The following MAP3K15 variants were observed in gnomAD, a reference collection of about 807,000 sequenced individuals.
MAP3K15 encodes MAPK/ERK kinase kinase 15.
MAP3K15 carries 124 observed loss-of-function variants against 99.5 expected under a neutral mutation model. The ratio of observed to expected loss-of-function variants is 1.25; its 90% CI spans 1.08 to 1.45. The LOEUF (loss-of-function observed/expected upper bound fraction) is 1.45, where lower values mean the gene tolerates loss of function less well. Ranked by LOEUF, MAP3K15 falls within the 40% of genes most tolerant of loss-of-function variation. MAP3K15 has a pLI of 0.00. For synonymous variants in MAP3K15, 494 were observed against 439.6 expected (o/e 1.12, Z -1.55); for missense variants, 1,242 against 1,079.7 (o/e 1.15, Z -2.11).
intron 3 of MAP3K15, among the ~76,000 whole-genome samples, chrX:19,472,154 G>A (rs1333296524): frequency 4.6e-5 from 5 of 109,860 alleles, no homozygotes; most frequent in Non-Finnish European, 9.5e-5. Flanking sequence ...AACCTGGGAG[G>A]TGGAGCTTGC....
At chrX:19,399,066 G>C (rs1019430277) in intron 14 of MAP3K15, among the ~76,000 whole-genome samples, 1 of 112,302 alleles carries the variant, frequency 8.9e-6, no homozygotes, top group Non-Finnish European at 1.9e-5. Flanking sequence ...TTACAGAAGT[G>C]CAGCTTATAC....
At chrX:19,440,063 C>T (rs765342611) in intron 6 of MAP3K15, among the ~76,000 whole-genome samples, 95 of 111,276 alleles carry the variant, frequency 8.5e-4, no homozygotes, top group Non-Finnish European at 1.5e-3. Context: ...ATGGCCACTC[C>T]AGCAATAGCC....
At chrX:19,499,317 A>G (rs1026980850) in intron 1 of MAP3K15, among the ~76,000 whole-genome samples, 5 of 112,348 alleles carry the variant, frequency 4.5e-5, no homozygotes, top group African/African-American at 6.5e-5. Flanking sequence ...ACTGTCACAC[A>G]TTGGTGCTAA....
chrX:19,392,634 G>T (rs1405264319), intron 16 of MAP3K15, among the ~76,000 whole-genome samples, 161 bp from the exon 17 acceptor site: 1 of 111,905 alleles, frequency 8.9e-6, no homozygotes, highest in African/African-American at 3.2e-5. Flanking sequence ...TGTAGCTACA[G>T]CCAGGGAATG....
intron 7 of MAP3K15, among the ~76,000 whole-genome samples, chrX:19,430,049 T>C (rs746351793): frequency 8.0e-5 from 9 of 112,018 alleles, no homozygotes; most frequent in South Asian, 3.7e-4. Flanking sequence ...ATAGACTGTT[T>C]AATGGCCACA....
intron 4 of MAP3K15, among the ~76,000 whole-genome samples, chrX:19,463,881 T>A (rs2064147592): frequency 9.2e-6 from 1 of 109,180 alleles, no homozygotes; most frequent in Admixed American, 9.9e-5. Flanking sequence ...ACACAGGATC[T>A]CAGAGCTGAA....
intron 1 of MAP3K15, among the ~76,000 whole-genome samples, chrX:19,510,416 A>T (rs2064509889): frequency 8.9e-6 from 1 of 112,223 alleles, no homozygotes; most frequent in Admixed American, 9.5e-5. Flanking sequence ...AACATAATCG[A>T]TCACATAAAC....
intron 1 of MAP3K15, among the ~76,000 whole-genome samples, chrX:19,494,801 A>G (rs2064389855): frequency 9.1e-6 from 1 of 110,172 alleles, no homozygotes; most frequent in Non-Finnish European, 1.9e-5. Flanking sequence ...AGACTTCAGA[A>G]TAAGTTTTTG....
At chrX:19,458,040 G>A (rs753605147) in intron 5 of MAP3K15, among the ~76,000 whole-genome samples, 2 of 112,327 alleles carry the variant, frequency 1.8e-5, no homozygotes, top group African/African-American at 6.5e-5. Context: ...TCTTAGCAGT[G>A]CCGCCTGTTA....
chrX:19,422,099 C>G lies in MAP3K15; in HGVS notation c.1439+3432G>C, dbSNP rs759463135. ...ACCCTAGAAGAAAACCTAGGCAATA[C>G]CATTCAGGACATAGGCATGGGCAAG... On this transcript the variant is annotated intron_variant, in intron 9 of 28. Transcript: ENST00000338883. 3.8e-3 allele frequency among the ~76,000 whole-genome samples: 420 copies of G among 109,997 alleles called. 3 individuals are homozygous for G. Among genetic ancestry groups the G allele is most frequent in the African/African-American group, 0.013 (392 of 29,865 alleles).
At chrX:19,382,622 T>C (rs1031150171) in intron 18 of MAP3K15, among the ~76,000 whole-genome samples, 3 of 112,358 alleles carry the variant, frequency 2.7e-5, no homozygotes, top group Non-Finnish European at 5.6e-5. Context: ...GGCTTTGGTC[T>C]CCAGAGCTGA....
At chrX:19,374,895 A>G (rs1356777467) in intron 19 of MAP3K15, among the ~76,000 whole-genome samples, 1 of 111,314 alleles carries the variant, frequency 9.0e-6, no homozygotes, top group Non-Finnish European at 1.9e-5. Context: ...ACATGGTGAG[A>G]GTTTCAGGGC....
In MAP3K15 at chrX:19,373,579, CAA is replaced by C. The variant is rs2063394611; in HGVS notation, c.2888_2889del (p.Phe963Ter). 2.5e-6 allele frequency: 3 copies of C among 1,178,995 alleles called. No individual in the cohort carries two copies. Among genetic ancestry groups the C allele is most frequent in the Non-Finnish European group, 3.4e-6 (3 of 879,182 alleles). ...TGGTGCCTGGGCGCCCGGGTCCTCTCAAAGAGTGCGTCAGGCTGGGCGTCGGA... is the reference window on the plus strand; with the variant it reads ...TGGTGCCTGGGCGCCCGGGTCCTCTCAGAGTGCGTCAGGCTGGGCGTCGGA... ...PDSDAQPDAL[F>X]ERTRAPRHHL... On this transcript the variant is annotated frameshift_variant, in exon 21 of 29. Transcript: ENST00000338883. LOFTEE classifies it high-confidence loss of function.
chrX:19,485,256 C>T (rs1294394782), intron 3 of MAP3K15, among the ~76,000 whole-genome samples: 1 of 88,756 alleles, frequency 1.1e-5, no homozygotes, highest in Non-Finnish European at 2.1e-5. Flanking sequence ...TTGCAGTGAG[C>T]CAAGATCACA....
intron 18 of MAP3K15, among the ~76,000 whole-genome samples, chrX:19,384,749 G>GGAAA (rs1555943906): frequency 3.1e-4 from 7 of 22,552 alleles, no homozygotes; most frequent in African/African-American, 1.3e-3. Flanking sequence ...TGTCTCAGGG[G>GGAAA]AAAAAAAAAA....
chrX:19,512,962 C>T (rs2064531672), intron 1 of MAP3K15, among the ~76,000 whole-genome samples: 1 of 111,560 alleles, frequency 9.0e-6, no homozygotes, highest in Admixed American at 9.6e-5. Context: ...TGATGGAGGA[C>T]GAATCCAGGA....
At position 19,426,304 on chromosome X, in the gene MAP3K15, C is replaced by T. The variant is rs374377938; in HGVS notation, c.1206G>A (p.Ser402=). ...KGFELQSSLY[S]GINLAVLLIV... is the part of the protein sequence containing the mutation. ...TCAGCAAAACTGCAAGATTAATTCC[C>T]GAATAGAGGGATGACTGGAGTTCAA... is the stretch of plus-strand genomic sequence containing the variant. Residue 402 remains serine (S), a synonymous_variant, in exon 8 of 29, where the codon TCG becomes TCA. Transcript: ENST00000338883. The T allele has an allele frequency of 8.6e-6, 10 of 1,162,779 alleles. No individual in the cohort carries two copies. The South Asian group carries it at 9.8e-5, about 11-fold the overall frequency.
intron 3 of MAP3K15, among the ~76,000 whole-genome samples, chrX:19,474,246 T>C (rs755127723): frequency 9.0e-6 from 1 of 111,432 alleles, no homozygotes; most frequent in East Asian, 2.8e-4. Context: ...AAATACTTTA[T>C]CAATATAGAA....
chrX:19,459,870 A>C lies in MAP3K15; in HGVS notation c.888+115T>G, dbSNP rs887248689. On this transcript the variant is annotated intron_variant, in intron 5 of 28. Coordinates refer to ENST00000338883, the MANE Select transcript of MAP3K15 (RefSeq NM_001001671.4). Reference sequence around the variant, plus strand: ...CATCTCAAAAAAGAAAACAAAAAAGAAGAACAAAACCCAGCCACTTCACCA... The same window carrying C: ...CATCTCAAAAAAGAAAACAAAAAAGCAGAACAAAACCCAGCCACTTCACCA... 2.7e-5 allele frequency: 15 copies of C among 562,230 alleles called. No individual in the cohort carries two copies. In the African/African-American group the frequency reaches 3.3e-4, roughly 13 times the overall value. 46.3% of individuals were successfully genotyped at this position (562,230 alleles called of 1,213,427 possible). A position where few individuals can be genotyped will look rare whatever the true frequency, so the allele number is the denominator to read the frequency against.
Sources: allele counts gnomAD v4.1 joint callset (sites outside exome capture counted in the v4.1 genomes callset), GRCh38; gene constraint gnomAD v4.1.1; transcripts MANE v1.5; gene names NCBI Gene and HGNC (gene_info 2026-07-23, HGNC 2026-07-21).